SNX29: variants seen among roughly 807,000 people sequenced by gnomAD.
SNX29 encodes the protein sorting nexin-29.
In SNX29, 78 loss-of-function variants were observed where a neutral mutation model predicts 102.1. The ratio of observed to expected loss-of-function variants is 0.76; its 90% CI spans 0.64 to 0.92. The LOEUF is 0.92. Among genes scored for constraint, SNX29 ranks in the 40% least tolerant of loss-of-function variants. SNX29 has a pLI of 0.00. For synonymous variants in SNX29, 580 were observed against 414.5 expected (o/e 1.40, Z -4.85); for missense variants, 1,280 against 1,061.7 (o/e 1.21, Z -2.86).
chr16:12,403,709 G>A (rs994257199), intron 18 of SNX29, among the ~76,000 whole-genome samples, 180 bp downstream of exon 18: 1 of 152,200 alleles, frequency 6.6e-6, no homozygotes, highest in African/African-American at 2.4e-5. Flanking sequence ...TTTCAGTTGG[G>A]CAGGGGGATA....
chr16:12,204,005 C>T (rs7204837), intron 14 of SNX29, among the ~76,000 whole-genome samples: 12 of 152,224 alleles, frequency 7.9e-5, no homozygotes, highest in African/African-American at 2.7e-4. Context: ...ACCTGGATGG[C>T]TCTGGCTAGA....
At chr16:12,027,493 T>C (rs1178851835) in intron 4 of SNX29, 49 bp downstream of exon 4, 1 of 1,602,024 alleles carries the variant, frequency 6.2e-7, no homozygotes, top group Non-Finnish European at 8.5e-7. Context: ...TTCCTTCTGC[T>C]CTTTTTCTTT....
At chr16:12,475,407 T>G (rs977878463) in intron 18 of SNX29, among the ~76,000 whole-genome samples, 3 of 152,242 alleles carry the variant, frequency 2.0e-5, no homozygotes, top group African/African-American at 7.2e-5. Flanking sequence ...AAACTCTTTT[T>G]GTAAAGGCCA....
intron 14 of SNX29, among the ~76,000 whole-genome samples, chr16:12,222,513 GGAA>G (rs1210525630): frequency 2.0e-5 from 3 of 152,186 alleles, no homozygotes; most frequent in African/African-American, 7.2e-5. Context: ...GGTGCAGGCA[GGAA>G]GAAGAGTGGG....
At chr16:12,440,285 T>C (rs1190154752) in intron 18 of SNX29, among the ~76,000 whole-genome samples, 1 of 152,158 alleles carries the variant, frequency 6.6e-6, no homozygotes, top group Admixed American at 6.5e-5. Context: ...CAGTCACTTT[T>C]TAGGATATTC....
At chr16:12,433,861 G>A (rs1174375107) in intron 18 of SNX29, among the ~76,000 whole-genome samples, 1 of 152,106 alleles carries the variant, frequency 6.6e-6, no homozygotes. Context: ...ATGATCAAAG[G>A]CCCTATTCAG....
At position 12,277,984 on chromosome 16, in the gene SNX29, C is replaced by T. The variant is rs752367820; in HGVS notation, c.1730C>T (p.Pro577Leu). ...GAAGTTACAGTAGCTGAACAGAAGC[C>T]GGGAGAAATTGCTGAAGAACTCGCA... Reference protein sequence around the residue: ...DGEVTVAEQKPGEIAEELASS... With the variant: ...DGEVTVAEQKLGEIAEELASS... Residue 577 changes from proline (P) to leucine (L), a missense_variant, in exon 15 of 21, where the codon CCG becomes CTG. Coordinates refer to ENST00000566228, the MANE Select transcript of SNX29 (RefSeq NM_032167.5). The T allele has an allele frequency of 1.1e-5, 17 of 1,609,292 alleles. No homozygotes were observed. In the African/African-American group the frequency reaches 1.1e-4, roughly 10 times the overall value.
intron 20 of SNX29, among the ~76,000 whole-genome samples, chr16:12,565,564 CCTA>C (rs1567217076): frequency 6.6e-6 from 1 of 152,076 alleles, no homozygotes; most frequent in Non-Finnish European, 1.5e-5. Context: ...GTCACAGAAG[CCTA>C]CTGTCACACC....
At chr16:12,531,480 C>T (rs541129825) in intron 20 of SNX29, among the ~76,000 whole-genome samples, 51 of 152,308 alleles carry the variant, frequency 3.3e-4, no homozygotes, top group African/African-American at 1.2e-3. Context: ...GTTTGGAAGG[C>T]CCTACCAAGA....
chr16:12,027,011 C>T (rs1382604340), intron 3 of SNX29, among the ~76,000 whole-genome samples: 3 of 152,012 alleles, frequency 2.0e-5, no homozygotes, highest in African/African-American at 4.8e-5. Flanking sequence ...TTAACTTTTC[C>T]CCCCTCTGCA....
chr16:12,378,528 A>G (rs945093930), intron 16 of SNX29, among the ~76,000 whole-genome samples: 2 of 152,216 alleles, frequency 1.3e-5, no homozygotes, highest in African/African-American at 4.8e-5. Context: ...GTGTGCCTGT[A>G]GTCCCAGCTA....
chr16:12,271,720 T>A (rs2079097325), intron 14 of SNX29, among the ~76,000 whole-genome samples: 2 of 151,960 alleles, frequency 1.3e-5, no homozygotes. Flanking sequence ...CCTCCTGGGT[T>A]CAAGTGATTC....
chr16:12,435,663 C>A (rs1475454539), intron 18 of SNX29, among the ~76,000 whole-genome samples: 2 of 152,238 alleles, frequency 1.3e-5, no homozygotes, highest in African/African-American at 4.8e-5. Context: ...TCAGCAGCTG[C>A]ATCCAGTAGC....
intron 1 of SNX29, among the ~76,000 whole-genome samples, chr16:11,980,174 C>T (rs1187642159): frequency 4.6e-5 from 7 of 152,010 alleles, no homozygotes; most frequent in Admixed American, 4.6e-4. Context: ...TCATCTTTCC[C>T]CCTCCCCTCA....
intron 16 of SNX29, among the ~76,000 whole-genome samples, chr16:12,376,308 T>G (rs2082872560): frequency 6.6e-6 from 1 of 152,136 alleles, no homozygotes; most frequent in South Asian, 2.1e-4. Context: ...AGCCGAGCAA[T>G]CGCTAGTTAT....
At chr16:12,184,835 G>GA (rs2076473874) in intron 13 of SNX29, among the ~76,000 whole-genome samples, 1 of 152,258 alleles carries the variant, frequency 6.6e-6, no homozygotes, top group South Asian at 2.1e-4. Flanking sequence ...CAGACAGCTT[G>GA]AGGGAGTCTT....
intron 18 of SNX29, among the ~76,000 whole-genome samples, chr16:12,439,729 A>G (rs776360743): frequency 6.6e-5 from 10 of 152,332 alleles, no homozygotes; most frequent in African/African-American, 2.4e-4. Flanking sequence ...CAGCTAAACC[A>G]TACCAGTCAC....
chr16:12,564,179 G>A (rs531975601), intron 20 of SNX29, among the ~76,000 whole-genome samples: 1 of 151,938 alleles, frequency 6.6e-6, no homozygotes, highest in African/African-American at 2.4e-5. Flanking sequence ...CTTGAGTTCA[G>A]GAGTTTGAGA....
chr16:12,539,536 C>A (rs939216112), intron 20 of SNX29, among the ~76,000 whole-genome samples: 2 of 152,148 alleles, frequency 1.3e-5, no homozygotes, highest in South Asian at 2.1e-4. Flanking sequence ...TTGAATAGAG[C>A]TAGTGGAAAC....
Sources: gnomAD v4.1 joint callset for allele counts (sites outside exome capture counted in the v4.1 genomes callset) on GRCh38, gnomAD v4.1.1 for gene constraint, MANE v1.5 for transcripts, NCBI Gene and HGNC (gene_info 2026-07-23, HGNC 2026-07-21) for gene names.